Variants in RIMKLA observed in about 807,000 individuals in gnomAD.
The protein encoded by RIMKLA is ribosomal modification protein rimK like family member A.
In RIMKLA, 14 loss-of-function variants were observed where a neutral mutation model predicts 32.7. The ratio of observed to expected loss-of-function variants is 0.43; its 90% CI spans 0.28 to 0.67. The LOEUF (loss-of-function observed/expected upper bound fraction) is 0.67, where lower values mean the gene tolerates loss of function less well. Among genes scored for constraint, RIMKLA ranks in the 30% least tolerant of loss-of-function variants. The pLI is 0.18. For missense variants in RIMKLA, 410 were observed against 519.0 expected (o/e 0.79, Z 2.04); for synonymous variants, 176 against 204.1 (o/e 0.86, Z 1.18).
In RIMKLA at chr1:42,424,059, A is replaced by C. The variant is rs1643317135; in HGVS notation, c.*9085A>C. Among the ~76,000 whole-genome samples the C allele has an allele frequency of 6.6e-6, 1 of 152,210 alleles. No homozygotes were observed. ...TGGCAGCTGAGCACACTGCCTGCCC[A>C]GGGATTTTCTTCTGCTCTAAAGGAC... On this transcript the variant is annotated 3_prime_UTR_variant, in exon 5 of 5. Coordinates refer to ENST00000431473, the MANE Select transcript of RIMKLA (RefSeq NM_173642.4).
chr1:42,394,800 G>A lies in RIMKLA; in HGVS notation c.164-4604G>A, dbSNP rs188439144. Among the ~76,000 whole-genome samples the A allele has an allele frequency of 3.0e-3, 450 of 151,712 alleles. 1 individual carries two copies. Among genetic ancestry groups the A allele is most frequent in the Middle Eastern group, 0.017 (5 of 294 alleles). On this transcript the variant is annotated intron_variant, in intron 1 of 4. Transcript: ENST00000431473. ...TGCCCAGGCTGGAGTGCAATGACGC[G>A]ATCTCAGCTCACTGCAGCCTCTGCC... is the stretch of plus-strand genomic sequence containing the variant.
At position 42,399,616 on chromosome 1, in the gene RIMKLA, C is replaced by A; in HGVS notation, c.376C>A (p.Pro126Thr). The A allele has an allele frequency of 4.4e-6, 7 of 1,605,352 alleles. No individual in the cohort carries two copies. The highest frequency in any genetic ancestry group is 6.0e-6 in the Non-Finnish European group (7 of 1,174,698). The change falls in exon 2 of 5, where the codon CCA becomes ACA. Residue 126 changes from proline to threonine, a missense_variant. By Grantham distance (38) the Pro-to-Thr change is conservative (BLOSUM62 -1). Transcript: ENST00000431473. ...QELAGHGVPM[P>T]DTFSYGGHED... is the part of the protein sequence containing the mutation. ...ACTGGCTGGACATGGGGTCCCCATGCCAGACACCTTCTCCTATGGTGAGTC... is the reference window on the plus strand; with the variant it reads ...ACTGGCTGGACATGGGGTCCCCATGACAGACACCTTCTCCTATGGTGAGTC...
At chr1:42,390,958 T>C (rs1642995182) in intron 1 of RIMKLA, among the ~76,000 whole-genome samples, 1 of 152,030 alleles carries the variant, frequency 6.6e-6, no homozygotes, top group African/African-American at 2.4e-5. Context: ...TTGAATAGGA[T>C]AAGAAGGGAA....
At chr1:42,388,658 A>G (rs1452361809) in intron 1 of RIMKLA, among the ~76,000 whole-genome samples, 1 of 151,604 alleles carries the variant, frequency 6.6e-6, no homozygotes, top group African/African-American at 2.4e-5. Flanking sequence ...AGCTGGGATT[A>G]CAGGCACATG....
At chr1:42,409,588 G>C (rs1003530894) in intron 3 of RIMKLA, among the ~76,000 whole-genome samples, 5 of 152,208 alleles carry the variant, frequency 3.3e-5, no homozygotes, top group Admixed American at 6.5e-5. Context: ...CCCAGTGTTA[G>C]GTCTGAAGAA....
At chr1:42,383,941 A>G (rs971676633) in intron 1 of RIMKLA, among the ~76,000 whole-genome samples, 1 of 152,214 alleles carries the variant, frequency 6.6e-6, no homozygotes, top group Non-Finnish European at 1.5e-5. Context: ...GTGACTTTGC[A>G]ATGTAATTTT....
At position 42,404,609 on chromosome 1, in the gene RIMKLA, C is replaced by T. The variant is rs755386672; in HGVS notation, c.481+12C>T. 1.3e-6 allele frequency: 2 copies of T among 1,568,004 alleles called. No individual in the cohort carries two copies. Among genetic ancestry groups the T allele is most frequent in the Non-Finnish European group, 1.8e-6 (2 of 1,140,190 alleles). ...ACGAGGCCACCGGGGTCAGTGCCACCTCTCCAGGGCTTCCTGGGTAATCAG... is the reference window on the plus strand; with the variant it reads ...ACGAGGCCACCGGGGTCAGTGCCACTTCTCCAGGGCTTCCTGGGTAATCAG... On this transcript the variant is annotated intron_variant, in intron 3 of 4. Coordinates refer to ENST00000431473, the MANE Select transcript of RIMKLA (RefSeq NM_173642.4).
intron 2 of RIMKLA, among the ~76,000 whole-genome samples, chr1:42,402,895 G>T (rs1643112872): frequency 6.6e-6 from 1 of 152,044 alleles, no homozygotes; most frequent in Non-Finnish European, 1.5e-5. Flanking sequence ...CCTGGTCTTG[G>T]CTAACATTTT....
At position 42,414,570 on chromosome 1, in the gene RIMKLA, G is replaced by A; in HGVS notation, c.772G>A (p.Gly258Ser). 1 of 1,614,194 alleles carries A rather than the reference G, an allele frequency of 6.2e-7. No individual in the cohort carries two copies. Among genetic ancestry groups the A allele is most frequent in the Non-Finnish European group, 8.5e-7 (1 of 1,180,028 alleles). The change falls in exon 5 of 5, where the codon GGC becomes AGC. Residue 258 changes from glycine (G) to serine (S), a missense_variant. By Grantham distance (56) the Gly-to-Ser change is moderately conservative. Coordinates refer to ENST00000431473, the MANE Select transcript of RIMKLA (RefSeq NM_173642.4). ...VSNILGMDFC[G>S]IDLLIMDDGS... Reference sequence around the variant, plus strand: ...CAACATCCTAGGCATGGACTTCTGTGGCATTGATCTCCTTATCATGGACGA... The same window carrying A: ...CAACATCCTAGGCATGGACTTCTGTAGCATTGATCTCCTTATCATGGACGA...
Position 42,414,576 on chromosome 1 carries a change from G to A in RIMKLA, c.778G>A (p.Asp260Asn), listed in dbSNP as rs1321135339. The A allele has an allele frequency of 9.3e-6, 15 of 1,614,092 alleles. No individual in the cohort carries two copies. The highest frequency in any genetic ancestry group is 1.2e-5 in the Non-Finnish European group (14 of 1,180,046). Residue 260 changes from aspartate to asparagine, a missense_variant, in exon 5 of 5, where the codon GAT (aspartate) becomes AAT (asparagine). By Grantham distance (23) the Asp-to-Asn change is conservative (BLOSUM62 1). Transcript: ENST00000431473. ...NILGMDFCGI[D>N]LLIMDDGSFV... ...CCTAGGCATGGACTTCTGTGGCATT[G>A]ATCTCCTTATCATGGACGATGGCTC...
chr1:42,390,490 G>A (rs972343279), intron 1 of RIMKLA, among the ~76,000 whole-genome samples: 4 of 152,178 alleles, frequency 2.6e-5, no homozygotes, highest in African/African-American at 4.8e-5. Context: ...GATCTACTGC[G>A]TATTTGGAGG....
At chr1:42,402,025 C>T (rs574326226) in intron 2 of RIMKLA, among the ~76,000 whole-genome samples, 89 of 152,140 alleles carry the variant, frequency 5.8e-4, no homozygotes, top group East Asian at 1.9e-3. Context: ...AGCTTATCAG[C>T]GGGATGGCGG....
Position 42,420,982 on chromosome 1 carries a change from GC to G in RIMKLA, c.*6010del. 1 of 152,194 alleles carries G rather than the reference GC, an allele frequency of 6.6e-6. No homozygotes were observed. Among genetic ancestry groups the G allele is most frequent in the Non-Finnish European group, 1.5e-5 (1 of 68,052 alleles). 9.4% of individuals were successfully genotyped at this position (152,194 alleles called of 1,614,324 possible). A position where few individuals can be genotyped will look rare whatever the true frequency, so the allele number is the denominator to read the frequency against. ...CCCCACTGTGAGCAACACAAGCATC[GC>G]CTTCTTGTGATCATGGCTCAGTGCC... On this transcript the variant is annotated 3_prime_UTR_variant, in exon 5 of 5. Coordinates refer to ENST00000431473, the MANE Select transcript of RIMKLA (RefSeq NM_173642.4).
intron 1 of RIMKLA, among the ~76,000 whole-genome samples, chr1:42,393,282 A>G (rs1643015392): frequency 6.6e-6 from 1 of 152,222 alleles, no homozygotes; most frequent in Non-Finnish European, 1.5e-5. Flanking sequence ...TGCTAAATAA[A>G]TATTCCCTGA....
Position 42,420,793 on chromosome 1 carries a change from C to T in RIMKLA, c.*5819C>T, listed in dbSNP as rs1643289195. 6.6e-6 allele frequency: 1 copy of T among 152,308 alleles called. No homozygotes were observed. The highest frequency in any genetic ancestry group is 1.5e-5 in the Non-Finnish European group (1 of 68,050). 9.4% of individuals were successfully genotyped at this position (152,308 alleles called of 1,614,324 possible). ...GAATGGTACTAGTCTGAGTCAGATC[C>T]AGTTCAAATCCAGGTAACTTAAAGC... On this transcript the variant is annotated 3_prime_UTR_variant, in exon 5 of 5. Transcript: ENST00000431473.
chr1:42,408,630 A>G (rs1184110453), intron 3 of RIMKLA, among the ~76,000 whole-genome samples: 2 of 152,038 alleles, frequency 1.3e-5, no homozygotes, highest in African/African-American at 4.8e-5. Context: ...CATGTTGGTC[A>G]GGCTGGTCTT....
intron 1 of RIMKLA, among the ~76,000 whole-genome samples, chr1:42,382,919 C>T (rs146533018): frequency 7.8e-4 from 118 of 152,058 alleles, no homozygotes; most frequent in African/African-American, 2.7e-3. Context: ...AATGCAATGG[C>T]GCCATCTTGG....
At chr1:42,395,006 T>C (rs1643030593) in intron 1 of RIMKLA, among the ~76,000 whole-genome samples, 1 of 152,230 alleles carries the variant, frequency 6.6e-6, no homozygotes, top group Non-Finnish European at 1.5e-5. Flanking sequence ...CCCAAGGTGC[T>C]GGGATTACAG....
In RIMKLA at chr1:42,415,133, A is replaced by G. The variant is rs1643235216; in HGVS notation, c.*159A>G. The G allele has an allele frequency of 2.7e-6, 2 of 752,934 alleles. No individual in the cohort carries two copies. Among genetic ancestry groups the G allele is most frequent in the Non-Finnish European group, 2.1e-6 (1 of 475,920 alleles). The allele number at this position is 752,934 out of a possible 1,614,324, so 46.6% of individuals were successfully genotyped here. A position where few individuals can be genotyped will look rare whatever the true frequency, so the allele number is the denominator to read the frequency against. On this transcript the variant is annotated 3_prime_UTR_variant, in exon 5 of 5. Transcript: ENST00000431473. ...TAACGATGATTTAAGCAAATGGCCT[A>G]GCTTTGTGGTTTTTACAAAGACAAA...
Sources: allele counts gnomAD v4.1 joint callset (sites outside exome capture counted in the v4.1 genomes callset), GRCh38; gene constraint gnomAD v4.1.1; transcripts MANE v1.5; gene names NCBI Gene and HGNC (gene_info 2026-07-23, HGNC 2026-07-21).